Variants in OSBP2 observed in about 807,000 individuals in gnomAD.
The protein encoded by OSBP2 is oxysterol binding protein 2, also known as oxysterol-binding protein 2.
OSBP2 carries 66 observed loss-of-function variants against 96.0 expected under a neutral mutation model. The ratio of observed to expected loss-of-function variants is 0.69; its 90% CI spans 0.56 to 0.84. The LOEUF is 0.84. Ranked by LOEUF, OSBP2 falls within the 40% of genes least tolerant of loss-of-function variation. OSBP2 has a pLI of 0.00. For synonymous variants in OSBP2, 525 were observed against 520.9 expected (o/e 1.01, Z -0.11); for missense variants, 1,038 against 1,222.7 (o/e 0.85, Z 2.25).
chr22:30,759,533 A>G (rs1339905423), intron 2 of OSBP2, among the ~76,000 whole-genome samples: 2 of 152,230 alleles, frequency 1.3e-5, no homozygotes, highest in Admixed American at 1.3e-4. Context: ...GGACAATACT[A>G]CAAAAACATA....
intron 12 of OSBP2, among the ~76,000 whole-genome samples, chr22:30,900,677 G>T (rs1381962219): frequency 6.6e-6 from 1 of 152,122 alleles, no homozygotes; most frequent in East Asian, 1.9e-4. Flanking sequence ...ATCAGATCTT[G>T]TGGGAAGATG....
At chr22:30,750,278 G>C (rs2090058336) in intron 2 of OSBP2, among the ~76,000 whole-genome samples, 1 of 152,136 alleles carries the variant, frequency 6.6e-6, no homozygotes, top group Non-Finnish European at 1.5e-5. Context: ...CTGGGGCCTT[G>C]GTCAAATCAG....
intron 3 of OSBP2, chr22:30,872,499 T>C (rs1569159549): frequency 2.5e-6 from 1 of 394,544 alleles, no homozygotes; most frequent in South Asian, 1.9e-5. Flanking sequence ...CAAGTTTAAG[T>C]GCCTAATGAA....
At chr22:30,726,148 T>C (rs1020476431) in intron 1 of OSBP2, among the ~76,000 whole-genome samples, 1 of 152,196 alleles carries the variant, frequency 6.6e-6, no homozygotes, top group African/African-American at 2.4e-5. Context: ...TTGATAGGAA[T>C]GCTGTGCTTC....
intron 2 of OSBP2, among the ~76,000 whole-genome samples, chr22:30,756,804 CG>C (rs1313754723): frequency 6.6e-6 from 1 of 152,166 alleles, no homozygotes; most frequent in African/African-American, 2.4e-5. Flanking sequence ...ACTCAGCTGA[CG>C]GAAGTAACAT....
At chr22:30,787,618 A>G (rs1437361528) in intron 2 of OSBP2, among the ~76,000 whole-genome samples, 1 of 152,176 alleles carries the variant, frequency 6.6e-6, no homozygotes, top group Non-Finnish European at 1.5e-5. Flanking sequence ...GGTTTTGGTG[A>G]GCTGAGATCG....
chr22:30,896,405 T>A (rs1434656824), intron 12 of OSBP2, among the ~76,000 whole-genome samples: 1 of 152,082 alleles, frequency 6.6e-6, no homozygotes, highest in East Asian at 1.9e-4. Context: ...GTTTAGATAA[T>A]CTTAGCATGA....
At chr22:30,810,023 G>GA (rs1169413931) in intron 2 of OSBP2, among the ~76,000 whole-genome samples, 2 of 152,096 alleles carry the variant, frequency 1.3e-5, no homozygotes, top group Admixed American at 1.3e-4. Context: ...TGGAATGTGG[G>GA]AGACATCCAA....
At chr22:30,854,567 C>T (rs2039042643) in intron 2 of OSBP2, among the ~76,000 whole-genome samples, 1 of 151,620 alleles carries the variant, frequency 6.6e-6, no homozygotes, top group African/African-American at 2.4e-5. Flanking sequence ...CCTCAGCCTC[C>T]CAAAGTGCTG....
chr22:30,812,459 C>G (rs1484116088), intron 2 of OSBP2, among the ~76,000 whole-genome samples: 1 of 152,210 alleles, frequency 6.6e-6, no homozygotes, highest in Non-Finnish European at 1.5e-5. Flanking sequence ...AGCCATCACG[C>G]CTGGCCTCAT....
chr22:30,731,433 G>T (rs550098239), intron 1 of OSBP2: 4 of 152,492 alleles, frequency 2.6e-5, no homozygotes, highest in Admixed American at 6.5e-5. Flanking sequence ...AGGGAAGAGT[G>T]GGGGGAGATT....
chr22:30,841,184 AAAT>A (rs970292901), intron 2 of OSBP2, among the ~76,000 whole-genome samples: 6 of 152,246 alleles, frequency 3.9e-5, no homozygotes, highest in South Asian at 2.1e-4. Flanking sequence ...AAAAAACAAA[AAAT>A]AAATAATAAA....
intron 1 of OSBP2, among the ~76,000 whole-genome samples, chr22:30,696,006 G>A (rs754581419): frequency 1.3e-5 from 2 of 152,118 alleles, no homozygotes; most frequent in Admixed American, 6.6e-5. Flanking sequence ...TATTCTTCCC[G>A]CCTGGGGCAG....
At chr22:30,754,586 G>A (rs1031631391) in intron 2 of OSBP2, among the ~76,000 whole-genome samples, 2 of 152,122 alleles carry the variant, frequency 1.3e-5, no homozygotes, top group Non-Finnish European at 2.9e-5. Flanking sequence ...GTGCCCCTTG[G>A]CTTACACCCC....
intron 2 of OSBP2, among the ~76,000 whole-genome samples, chr22:30,759,105 T>C (rs2090176387): frequency 1.3e-5 from 2 of 152,108 alleles, no homozygotes; most frequent in South Asian, 2.1e-4. Context: ...CCTGGCACTT[T>C]GGGAAGCCGA....
At chr22:30,730,957 G>A (rs539361665) in intron 1 of OSBP2, among the ~76,000 whole-genome samples, 2 of 150,008 alleles carry the variant, frequency 1.3e-5, no homozygotes, top group East Asian at 2.0e-4. Context: ...GGTGGATCAC[G>A]AGGTCAGGAG....
chr22:30,903,480 G>GA (rs1291402860), intron 12 of OSBP2, among the ~76,000 whole-genome samples: 2 of 152,248 alleles, frequency 1.3e-5, no homozygotes, highest in Admixed American at 1.3e-4. Context: ...AGCGAGAGCT[G>GA]AAAGTGGAGA....
At chr22:30,760,017 A>C (rs2090187631) in intron 2 of OSBP2, among the ~76,000 whole-genome samples, 1 of 151,336 alleles carries the variant, frequency 6.6e-6, no homozygotes, top group Admixed American at 6.6e-5. Flanking sequence ...ATGTGCCACC[A>C]CGCCCAGCTA....
intron 1 of OSBP2, among the ~76,000 whole-genome samples, chr22:30,696,950 C>T (rs1041452622): frequency 6.6e-6 from 1 of 152,120 alleles, no homozygotes; most frequent in Non-Finnish European, 1.5e-5. Context: ...TGAGCCACCA[C>T]ACCGGCCTCT....
Sources: gnomAD v4.1 joint callset for allele counts (sites outside exome capture counted in the v4.1 genomes callset) on GRCh38, gnomAD v4.1.1 for gene constraint, MANE v1.5 for transcripts, NCBI Gene and HGNC (gene_info 2026-07-23, HGNC 2026-07-21) for gene names.